Variants in CADPS2 observed in about 807,000 individuals in gnomAD.
The protein encoded by CADPS2 is calcium dependent secretion activator 2, also known as calcium-dependent secretion activator 2.
In CADPS2, 93 loss-of-function variants were observed where a neutral mutation model predicts 172.5. That is an observed-to-expected ratio of 0.54 (90% CI 0.46 to 0.64). The LOEUF (loss-of-function observed/expected upper bound fraction) is 0.64, where lower values mean the gene tolerates loss of function less well. CADPS2 is among the 30% of genes least tolerant of loss of function. The pLI, the probability that CADPS2 is intolerant of heterozygous loss-of-function variation, is 0.00. For synonymous variants in CADPS2, 546 were observed against 555.2 expected (o/e 0.98, Z 0.23); for missense variants, 1,420 against 1,565.9 (o/e 0.91, Z 1.57).
intron 17 of CADPS2, chr7:122,427,243 G>A (rs1274377456): frequency 2.0e-5 from 3 of 151,900 alleles, no homozygotes; most frequent in East Asian, 3.9e-4. Context: ...GGGAATCTGG[G>A]ATATATTTAA....
intron 1 of CADPS2, among the ~76,000 whole-genome samples, chr7:122,813,681 G>A (rs1237731690): frequency 3.3e-5 from 5 of 152,030 alleles, no homozygotes; most frequent in South Asian, 2.1e-4. Context: ...CATAAAAACC[G>A]CATTATTCTA....
At chr7:122,796,941 A>G (rs1796502607) in intron 1 of CADPS2, among the ~76,000 whole-genome samples, 1 of 152,196 alleles carries the variant, frequency 6.6e-6, no homozygotes, top group African/African-American at 2.4e-5. Context: ...ACAAAATAGG[A>G]GACAATTTTT....
chr7:122,352,247 T>G (rs1013091954), intron 27 of CADPS2, among the ~76,000 whole-genome samples: 1 of 152,256 alleles, frequency 6.6e-6, no homozygotes, highest in African/African-American at 2.4e-5. Context: ...TGATGATGGT[T>G]TTAAATCTCT....
At chr7:122,724,964 A>G (rs1189925600) in intron 2 of CADPS2, among the ~76,000 whole-genome samples, 1 of 152,088 alleles carries the variant, frequency 6.6e-6, no homozygotes, top group African/African-American at 2.4e-5. Context: ...AAATTATTTT[A>G]AAAAACAAAT....
chr7:122,740,147 T>C (rs972466559), intron 1 of CADPS2, among the ~76,000 whole-genome samples: 17 of 152,070 alleles, frequency 1.1e-4, no homozygotes, highest in African/African-American at 4.1e-4. Flanking sequence ...CAAAATGGTA[T>C]AGCTACTTTG....
At chr7:122,355,691 A>T in intron 27 of CADPS2, among the ~76,000 whole-genome samples, 1 of 152,100 alleles carries the variant, frequency 6.6e-6, no homozygotes, top group East Asian at 1.9e-4. Context: ...TCCAGGTGGA[A>T]TTTTTGGGCT....
intron 27 of CADPS2, among the ~76,000 whole-genome samples, chr7:122,354,596 TATA>T (rs1430061927): frequency 2.6e-5 from 4 of 152,104 alleles, no homozygotes; most frequent in Non-Finnish European, 4.4e-5. Context: ...GAGGGGTTAG[TATA>T]ATAATTTAAA....
At chr7:122,503,817 G>GA (rs972287618) in intron 9 of CADPS2, among the ~76,000 whole-genome samples, 18 of 152,118 alleles carry the variant, frequency 1.2e-4, no homozygotes, top group East Asian at 3.9e-4. Context: ...TCAGAATTGG[G>GA]AAAAAAAGCC....
chr7:122,735,133 G>A (rs1454463056), intron 2 of CADPS2, among the ~76,000 whole-genome samples: 1 of 152,222 alleles, frequency 6.6e-6, no homozygotes, highest in South Asian at 2.1e-4. Context: ...TGTTTCCCAA[G>A]TGACTGTGAA....
At chr7:122,648,173 T>C (rs140314639) in intron 3 of CADPS2, among the ~76,000 whole-genome samples, 3 of 152,232 alleles carry the variant, frequency 2.0e-5, no homozygotes, top group Non-Finnish European at 4.4e-5. Context: ...CCTCACTCTC[T>C]AGTTCTTCTC....
At chr7:122,410,106 G>A (rs905510137) in intron 19 of CADPS2, among the ~76,000 whole-genome samples, 2 of 152,136 alleles carry the variant, frequency 1.3e-5, no homozygotes, top group African/African-American at 4.8e-5. Context: ...CACTTTGGGA[G>A]GCAGAGGAGG....
chr7:122,641,612 C>G (rs1274569806), intron 3 of CADPS2, among the ~76,000 whole-genome samples: 2 of 152,184 alleles, frequency 1.3e-5, no homozygotes, highest in African/African-American at 4.8e-5. Flanking sequence ...GGCCATATGA[C>G]TTTTGATACA....
At chr7:122,390,222 G>C (rs17144368) in intron 22 of CADPS2, among the ~76,000 whole-genome samples, 5,415 of 152,008 alleles carry the variant, frequency 0.036, 450 homozygotes, top group East Asian at 0.32. Flanking sequence ...TGCCTCAAAT[G>C]CACCATTAAA....
At chr7:122,635,229 G>C (rs1000483248) in intron 3 of CADPS2, among the ~76,000 whole-genome samples, 30 of 151,992 alleles carry the variant, frequency 2.0e-4, no homozygotes, top group African/African-American at 7.0e-4. Context: ...ATCTAATGCT[G>C]TCAGTGGGGT....
intron 8 of CADPS2, among the ~76,000 whole-genome samples, chr7:122,517,698 T>C (rs1296499122): frequency 6.6e-6 from 1 of 152,076 alleles, no homozygotes; most frequent in Non-Finnish European, 1.5e-5. Context: ...AGACATCCTA[T>C]AAGCTTTCAT....
At chr7:122,696,480 T>C (rs2085108453) in intron 2 of CADPS2, among the ~76,000 whole-genome samples, 1 of 152,138 alleles carries the variant, frequency 6.6e-6, no homozygotes, top group Non-Finnish European at 1.5e-5. Flanking sequence ...GATTAGTGTC[T>C]CTCCTCCTTT....
chr7:122,396,251 A>T (rs925350790), intron 20 of CADPS2, among the ~76,000 whole-genome samples: 1 of 152,070 alleles, frequency 6.6e-6, no homozygotes. Flanking sequence ...ACCATTCCTC[A>T]CTCTGACAAC....
chr7:122,610,814 G>A (rs1237246631), intron 6 of CADPS2, among the ~76,000 whole-genome samples: 1 of 152,024 alleles, frequency 6.6e-6, no homozygotes, highest in Non-Finnish European at 1.5e-5. Context: ...ATAATCTAAG[G>A]ACCATGAAAG....
At chr7:122,374,252 C>T (rs749534180) in intron 25 of CADPS2, among the ~76,000 whole-genome samples, 6 of 151,890 alleles carry the variant, frequency 4.0e-5, no homozygotes, top group African/African-American at 7.3e-5. Context: ...GAAATTATCT[C>T]GACATAATAA....
Sources: gnomAD v4.1 joint callset for allele counts (sites outside exome capture counted in the v4.1 genomes callset) on GRCh38, gnomAD v4.1.1 for gene constraint, MANE v1.5 for transcripts, NCBI Gene and HGNC (gene_info 2026-07-23, HGNC 2026-07-21) for gene names.